Variants in JMJD1C observed in about 807,000 individuals in gnomAD.
The protein encoded by JMJD1C is jumonji domain-containing protein 1C.
In JMJD1C, 31 loss-of-function variants were observed where a neutral mutation model predicts 245.3. The observed-to-expected ratio is 0.13, with a 90% CI of 0.09 to 0.17. The LOEUF (loss-of-function observed/expected upper bound fraction) is 0.17, where lower values mean the gene tolerates loss of function less well. Among genes scored for constraint, JMJD1C ranks in the 10% least tolerant of loss-of-function variants. The probability of loss-of-function intolerance (pLI) is 1.00; values close to 1 mark genes in which losing one functional copy is unlikely to be tolerated. For synonymous variants in JMJD1C, 1,057 were observed against 1,017.4 expected (o/e 1.04, Z -0.74); for missense variants, 2,691 against 3,000.2 (o/e 0.90, Z 2.41).
intron 1 of JMJD1C, among the ~76,000 whole-genome samples, chr10:63,426,761 T>C (rs1052325263): frequency 2.6e-5 from 4 of 152,164 alleles, no homozygotes; most frequent in Non-Finnish European, 5.9e-5. Context: ...AAATGAAATA[T>C]ATGAAGTTTT....
chr10:63,342,692 T>A (rs995475751), intron 2 of JMJD1C, among the ~76,000 whole-genome samples: 1 of 152,240 alleles, frequency 6.6e-6, no homozygotes, highest in East Asian at 1.9e-4. Context: ...TGATATTTCA[T>A]ATTTTTACTG....
chr10:63,395,366 T>C (rs1204368108), intron 1 of JMJD1C, among the ~76,000 whole-genome samples: 1 of 152,068 alleles, frequency 6.6e-6, no homozygotes, highest in Non-Finnish European at 1.5e-5. Context: ...TAGTCCTAGC[T>C]ACTCAGGAGG....
intron 1 of JMJD1C, among the ~76,000 whole-genome samples, chr10:63,500,790 T>TGGATGGATGCAC (rs1554953962): frequency 2.0e-5 from 3 of 151,338 alleles, no homozygotes; most frequent in East Asian, 3.9e-4. Context: ...GATGGATGGA[T>TGGATGGATGCAC]GGATGCACGG....
intron 2 of JMJD1C, among the ~76,000 whole-genome samples, chr10:63,271,365 CAG>C (rs1313613633): frequency 1.3e-5 from 2 of 151,332 alleles, no homozygotes; most frequent in Admixed American, 6.6e-5. Flanking sequence ...TCAGTAGAGA[CAG>C]GGGTGTCATC....
intron 2 of JMJD1C, chr10:63,268,767 T>C (rs778212050): frequency 5.2e-5 from 51 of 985,120 alleles, no homozygotes; most frequent in Non-Finnish European, 6.1e-5. Flanking sequence ...TCTGGAAGAG[T>C]ATCTAGTGTA....
At chr10:63,222,682 T>C (rs1274776358) in intron 3 of JMJD1C, 1 of 1,542,162 alleles carries the variant, frequency 6.5e-7, no homozygotes, top group Non-Finnish European at 9.0e-7. Context: ...TGCATTCATT[T>C]GATGGTACCA....
chr10:63,180,807 C>T lies in JMJD1C; in HGVS notation c.7084+2640G>A, dbSNP rs549565770. Among the ~76,000 whole-genome samples, 1,112 of 148,718 alleles carry T rather than the reference C, an allele frequency of 7.5e-3. 13 individuals carry two copies. Among genetic ancestry groups the T allele is most frequent in the Non-Finnish European group, 0.012 (843 of 67,466 alleles). Reference sequence around the variant, plus strand: ...TTTTTGAGACGGAGTCTCGCTCTGTCGCCCAGGCTGGAGTGCAGTGGCGGG... The same window carrying T: ...TTTTTGAGACGGAGTCTCGCTCTGTTGCCCAGGCTGGAGTGCAGTGGCGGG... On this transcript the variant is annotated intron_variant, in intron 22 of 25. Coordinates refer to ENST00000399262, the MANE Select transcript of JMJD1C (RefSeq NM_032776.3).
At chr10:63,210,285 T>G (rs1212827483) in intron 8 of JMJD1C, among the ~76,000 whole-genome samples, 1 of 152,104 alleles carries the variant, frequency 6.6e-6, no homozygotes, top group Non-Finnish European at 1.5e-5. Context: ...TTCTCAATAA[T>G]AGTGTCTTAT....
chr10:63,197,308 T>C (rs1166838838), intron 13 of JMJD1C, 103 bp downstream of exon 13: 3 of 981,222 alleles, frequency 3.1e-6, no homozygotes, highest in Non-Finnish European at 4.5e-6. Flanking sequence ...CTTAATACAT[T>C]AATAAGGAAA....
intron 1 of JMJD1C, among the ~76,000 whole-genome samples, chr10:63,502,533 G>A (rs1954591765): frequency 6.6e-6 from 1 of 151,732 alleles, no homozygotes; most frequent in South Asian, 2.1e-4. Context: ...AGCTACTCGG[G>A]AGGCTGAGGC....
intron 3 of JMJD1C, among the ~76,000 whole-genome samples, chr10:63,249,031 C>T (rs1852677404): frequency 6.6e-6 from 1 of 152,142 alleles, no homozygotes; most frequent in South Asian, 2.1e-4. Context: ...CAAGTGGATG[C>T]TTGGCCAGGA....
In JMJD1C at chr10:63,316,065, G is replaced by C. The variant is rs1412562958; in HGVS notation, c.334-51301C>G. Among the ~76,000 whole-genome samples the C allele has an allele frequency of 5.9e-5, 9 of 152,074 alleles. 1 individual carries two copies. Among genetic ancestry groups the C allele is most frequent in the Admixed American group, 5.2e-4 (8 of 15,250 alleles). Reference sequence around the variant, plus strand: ...CACACCTGTAGAGTTCCATCTACTTGGGAGGGTAATGTGGGAGGATCACTT... The same window carrying C: ...CACACCTGTAGAGTTCCATCTACTTCGGAGGGTAATGTGGGAGGATCACTT... On this transcript the variant is annotated intron_variant, in intron 2 of 25. Transcript: ENST00000399262.
chr10:63,380,564 A>C, intron 1 of JMJD1C, 82 bp from the exon 2 acceptor site: 1 of 1,043,230 alleles, frequency 9.6e-7, no homozygotes, highest in Admixed American at 2.4e-5. Context: ...ATAATTGTAC[A>C]TATTTATGGG....
At chr10:63,399,961 G>A (rs1948750553) in intron 1 of JMJD1C, among the ~76,000 whole-genome samples, 1 of 151,696 alleles carries the variant, frequency 6.6e-6, no homozygotes, top group African/African-American at 2.4e-5. Flanking sequence ...TAGAAACATA[G>A]ATATACACAT....
In JMJD1C at chr10:63,208,053, C is replaced by A; in HGVS notation, c.3616G>T (p.Ala1206Ser). 1 of 1,614,076 alleles carries A rather than the reference C, an allele frequency of 6.2e-7. No homozygotes were observed. Among genetic ancestry groups the A allele is most frequent in the Non-Finnish European group, 8.5e-7 (1 of 1,179,982 alleles). Reference protein sequence around the residue: ...TLRSMPALHRAPVFHPPIHHS... With the variant: ...TLRSMPALHRSPVFHPPIHHS... ...TGGATTGGTGGGTGAAATACTGGTG[C>A]TCTATGTAATGCAGGCATACTGCGG... The change falls in exon 10 of 26, where the codon GCA becomes TCA. Residue 1206 changes from alanine to serine, a missense_variant. Coordinates refer to ENST00000399262, the MANE Select transcript of JMJD1C (RefSeq NM_032776.3).
intron 1 of JMJD1C, among the ~76,000 whole-genome samples, chr10:63,477,418 C>T (rs893124711): frequency 2.0e-5 from 3 of 151,632 alleles, no homozygotes; most frequent in African/African-American, 7.3e-5. Context: ...ATGAACAGAA[C>T]AAAATAAGAG....
intron 22 of JMJD1C, among the ~76,000 whole-genome samples, chr10:63,182,870 GT>G (rs950019081): frequency 7.0e-6 from 1 of 142,700 alleles, no homozygotes; most frequent in Non-Finnish European, 1.6e-5. Flanking sequence ...TCATTTTTTG[GT>G]TTTTTTTGAG....
intron 2 of JMJD1C, among the ~76,000 whole-genome samples, chr10:63,342,286 G>C (rs754174419): frequency 6.6e-6 from 1 of 152,182 alleles, no homozygotes; most frequent in East Asian, 1.9e-4. Context: ...GCATGACATG[G>C]TAAAAATGTG....
At chr10:63,387,474 A>T (rs1365783354) in intron 1 of JMJD1C, among the ~76,000 whole-genome samples, 1 of 151,994 alleles carries the variant, frequency 6.6e-6, no homozygotes, top group Non-Finnish European at 1.5e-5. Flanking sequence ...GAGACAGCAT[A>T]AAAAAGGATG....
Sources: allele counts gnomAD v4.1 joint callset (sites outside exome capture counted in the v4.1 genomes callset), GRCh38; gene constraint gnomAD v4.1.1; transcripts MANE v1.5; gene names NCBI Gene and HGNC (gene_info 2026-07-23, HGNC 2026-07-21).